Variants in ZNF568 observed in about 807,000 individuals in gnomAD.
ZNF568 encodes the protein p53 inhibitor of SCO2 activation.
Under a neutral mutation model 18.1 loss-of-function variants are expected in ZNF568, and 11 were observed. The ratio of observed to expected loss-of-function variants is 0.61; its 90% CI spans 0.38 to 1.00. The LOEUF (loss-of-function observed/expected upper bound fraction) is 1.00, where lower values mean the gene tolerates loss of function less well. ZNF568 is among the 50% of genes least tolerant of loss of function. The pLI, the probability that ZNF568 is intolerant of heterozygous loss-of-function variation, is 0.01. For synonymous variants in ZNF568, 213 were observed against 246.6 expected (o/e 0.86, Z 1.28); for missense variants, 639 against 768.2 (o/e 0.83, Z 1.99).
intron 4 of ZNF568, chr19:36,931,441 C>A (rs1255366937): frequency 6.6e-6 from 1 of 152,144 alleles, no homozygotes; most frequent in Non-Finnish European, 1.5e-5. Context: ...GGCTGGAGTA[C>A]AGTGGCATGA....
At chr19:36,975,328 T>C (rs889738756) in intron 7 of ZNF568, among the ~76,000 whole-genome samples, 2 of 149,852 alleles carry the variant, frequency 1.3e-5, no homozygotes, top group Non-Finnish European at 3.0e-5. Flanking sequence ...TTTGTATTTT[T>C]AGTAGAGATG....
chr19:36,975,078 C>T (rs1600845562), intron 7 of ZNF568, among the ~76,000 whole-genome samples: 2 of 151,652 alleles, frequency 1.3e-5, no homozygotes, highest in East Asian at 1.9e-4. Context: ...CCACCTGCCT[C>T]GGCCTCCCAA....
At chr19:36,995,907 A>G (rs1026295918) in intron 4 of ZNF568, among the ~76,000 whole-genome samples, 1 of 152,216 alleles carries the variant, frequency 6.6e-6, no homozygotes, top group Non-Finnish European at 1.5e-5. Context: ...TGGCAGGATA[A>G]TAACCCCCTC....
At position 36,997,109 on chromosome 19, in the gene ZNF568, A is replaced by G. The variant is rs759289112; in HGVS notation, c.1022A>G (p.His341Arg). 15 of 1,567,164 alleles carry G rather than the reference A, an allele frequency of 9.6e-6. No homozygotes were observed. The Admixed American group carries it at 2.1e-4, about 22-fold the overall frequency. ...CAGCTGAGCCTTCATCAGATAATCC[A>G]TACTGGTGAAAGACGCTATGAATGC... Residue 341 changes from histidine (H) to arginine (R), a missense_variant, in exon 5 of 5, where the codon CAT (histidine) becomes CGT (arginine). Physicochemically the swap from His to Arg is conservative, Grantham distance 29 (BLOSUM62 0). Coordinates refer to the ZNF568 transcript ENST00000433993.
chr19:36,961,984 T>G (rs2074154582), intron 6 of ZNF568, among the ~76,000 whole-genome samples: 1 of 151,478 alleles, frequency 6.6e-6, no homozygotes, highest in South Asian at 2.1e-4. Flanking sequence ...TTTTTTTATT[T>G]TTATAGAGAT....
chr19:36,965,770 C>T (rs981560184), intron 6 of ZNF568, among the ~76,000 whole-genome samples: 9 of 147,648 alleles, frequency 6.1e-5, no homozygotes, highest in East Asian at 4.0e-4. Flanking sequence ...GGCGTGATCT[C>T]GGCTCACTGC....
At chr19:36,918,038 T>C (rs1011454832) in intron 2 of ZNF568, among the ~76,000 whole-genome samples, 1 of 152,160 alleles carries the variant, frequency 6.6e-6, no homozygotes, top group African/African-American at 2.4e-5. Flanking sequence ...AAACTCCGCC[T>C]CCCGAGTTCA....
rs548889953 is a variant in ZNF568, at chr19:36,985,199, C to A, written c.10-5977C>A. Among the ~76,000 whole-genome samples the A allele has an allele frequency of 3.3e-5, 5 of 152,176 alleles. No individual in the cohort carries two copies. The East Asian group carries it at 9.6e-4, about 29-fold the overall frequency. On this transcript the variant is annotated intron_variant, in intron 2 of 4. Transcript: ENST00000433993. ...TTCTCTTCAGAGAGATTTATTCCAGCCATTGTATGATTTAAGTATGTTTTT... is the reference window on the plus strand; with the variant it reads ...TTCTCTTCAGAGAGATTTATTCCAGACATTGTATGATTTAAGTATGTTTTT...
chr19:36,933,952 G>T (rs1308929083), intron 4 of ZNF568, among the ~76,000 whole-genome samples: 9 of 67,778 alleles, frequency 1.3e-4, no homozygotes, highest in South Asian at 4.4e-4. Context: ...TAGTAATTCA[G>T]TCTCTTGTTA....
Position 36,991,809 on chromosome 19 carries a change from G to A in ZNF568, c.192G>A (p.Trp64Ter). The change falls in exon 4 of 5, where the codon TGG becomes TGA. Residue 64 changes from tryptophan to a stop codon, truncating the protein, a stop_gained. Coordinates refer to the ZNF568 transcript ENST00000433993. LOFTEE classifies it low-confidence loss of function (END_TRUNC). ...TATTGGAGCAGAAGAAAGAGCCCTG[G>A]ATGGTTAAGAGGAAGGAGACAAAAG... 2.5e-6 allele frequency: 4 copies of A among 1,580,834 alleles called. No individual in the cohort carries two copies. The highest frequency in any genetic ancestry group is 3.4e-6 in the Non-Finnish European group (4 of 1,170,404).
At chr19:36,983,930 G>C (rs377533347), downstream of ZNF568, among the ~76,000 whole-genome samples, 2 of 123,632 alleles carry the variant, frequency 1.6e-5, no homozygotes, top group Non-Finnish European at 3.1e-5. Flanking sequence ...ACAGAGTCTC[G>C]CTCTGTCGCC....
intron 6 of ZNF568, among the ~76,000 whole-genome samples, chr19:36,963,169 G>A (rs112333158): frequency 6.6e-6 from 1 of 152,116 alleles, no homozygotes; most frequent in Non-Finnish European, 1.5e-5. Flanking sequence ...GAATATTTGT[G>A]TAAAAATTAT....
chr19:36,981,940 ATT>A (rs34795424), downstream of ZNF568, among the ~76,000 whole-genome samples: 18 of 149,876 alleles, frequency 1.2e-4, no homozygotes, highest in Middle Eastern at 3.4e-3. Context: ...CTTGCCATTG[ATT>A]TTTTTTTTTC....
chr19:36,971,908 C>T lies in ZNF568; in HGVS notation c.359-2512C>T, dbSNP rs906262072. Reference sequence around the variant, plus strand: ...AGGCTGGAGTGCAGTGGTACAGTCTCGGCTCACTGCAACCTCCGCCTCCCA... The same window carrying T: ...AGGCTGGAGTGCAGTGGTACAGTCTTGGCTCACTGCAACCTCCGCCTCCCA... On this transcript the variant is annotated intron_variant, in intron 6 of 7. Transcript: ENST00000427117. Among the ~76,000 whole-genome samples, 4 of 149,014 alleles carry T rather than the reference C, an allele frequency of 2.7e-5. No homozygotes were observed. The East Asian group carries it at 5.9e-4, about 22-fold the overall frequency.
rs2074037846 is a variant in ZNF568, at chr19:36,950,346, C to T, written c.1193C>T (p.Ala398Val). Residue 398 changes from alanine to valine, a missense_variant, in exon 7 of 7, where the codon GCT (alanine) becomes GTT (valine). Transcript: ENST00000333987. Reference sequence around the variant, plus strand: ...TATAAATGTAATAAATGTGGAAAAGCTTTCTCTCAATGCTCAGTATTTATT... The same window carrying T: ...TATAAATGTAATAAATGTGGAAAAGTTTTCTCTCAATGCTCAGTATTTATT... The part of the protein sequence containing the change: ...KPYKCNKCGK[A>V]FSQCSVFIIH... 4 of 1,613,840 alleles carry T rather than the reference C, an allele frequency of 2.5e-6. No individual in the cohort carries two copies. Among genetic ancestry groups the T allele is most frequent in the Non-Finnish European group, 3.4e-6 (4 of 1,179,830 alleles).
chr19:36,995,416 C>G (rs71356030), intron 4 of ZNF568, among the ~76,000 whole-genome samples: 1 of 151,966 alleles, frequency 6.6e-6, no homozygotes, highest in South Asian at 2.1e-4. Flanking sequence ...AACAAACAAG[C>G]AAAAAACAGT....
rs1316024234 is a variant in ZNF568, at chr19:36,979,663, A to AT, written c.*555dup. 3.3e-5 allele frequency: 5 copies of AT among 152,210 alleles called. No homozygotes were observed. The East Asian group carries it at 9.7e-4, about 29-fold the overall frequency. The allele number at this position is 152,210 out of a possible 1,614,324, so 9.4% of individuals were successfully genotyped here. The stretch of plus-strand genomic sequence containing the variant: ...GTATAGCCATCCATTGTAAGAATAC[A>AT]TTTTTTCATTTATATTGTGTACATT... On this transcript the variant is annotated 3_prime_UTR_variant, in exon 8 of 8. Coordinates refer to the ZNF568 transcript ENST00000427117.
rs180877594 is a variant in ZNF568, at chr19:36,994,695, G to A, written c.230-1622G>A. Among the ~76,000 whole-genome samples, 693 of 151,942 alleles carry A rather than the reference G, an allele frequency of 4.6e-3. 10 individuals carry two copies. Among genetic ancestry groups the A allele is most frequent in the African/African-American group, 0.016 (649 of 41,436 alleles). ...TGTTGTTGTTGTTTTTTTCTGAGAT[G>A]GAGTCTAGTGTTGTTGCCCAGGCTG... On this transcript the variant is annotated intron_variant, in intron 4 of 4. Coordinates refer to the ZNF568 transcript ENST00000433993.
intron 2 of ZNF568, among the ~76,000 whole-genome samples, chr19:36,989,524 G>T (rs1319142519): frequency 6.6e-6 from 1 of 152,130 alleles, no homozygotes; most frequent in Non-Finnish European, 1.5e-5. Flanking sequence ...TCTCCAAGAA[G>T]TGTTTAGGTA....
Sources: allele counts gnomAD v4.1 joint callset (sites outside exome capture counted in the v4.1 genomes callset), GRCh38; gene constraint gnomAD v4.1.1; transcripts MANE v1.5; gene names NCBI Gene and HGNC (gene_info 2026-07-23, HGNC 2026-07-21).